The following ARPP21 variants were observed in gnomAD, a reference collection of about 807,000 sequenced individuals.
ARPP21 encodes the protein cAMP-regulated phosphoprotein 21.
ARPP21 carries 69 observed loss-of-function variants against 113.2 expected under a neutral mutation model. That is an observed-to-expected ratio of 0.61 (90% confidence interval 0.50 to 0.74). The LOEUF (loss-of-function observed/expected upper bound fraction) is 0.74, where lower values mean the gene tolerates loss of function less well. Ranked by LOEUF, ARPP21 falls within the 30% of genes least tolerant of loss-of-function variation. ARPP21 has a pLI of 0.00. For synonymous variants in ARPP21, 368 were observed against 375.5 expected (o/e 0.98, Z 0.23); for missense variants, 1,070 against 1,037.4 (o/e 1.03, Z -0.43).
At chr3:35,641,588 T>C (rs1449588280) in intron 1 of ARPP21, 1 of 152,224 alleles carries the variant, frequency 6.6e-6, no homozygotes, top group Non-Finnish European at 1.5e-5. Context: ...TATGTTTTGT[T>C]CAAATAGCCG....
At chr3:35,770,258 C>G (rs1340722966) in intron 19 of ARPP21, among the ~76,000 whole-genome samples, 3 of 151,912 alleles carry the variant, frequency 2.0e-5, no homozygotes, top group African/African-American at 7.3e-5. Flanking sequence ...AAAATTCCTC[C>G]TTTTATTCAT....
intron 19 of ARPP21, among the ~76,000 whole-genome samples, chr3:35,757,069 A>ATTTT (rs142766845): frequency 8.0e-4 from 109 of 137,012 alleles, no homozygotes; most frequent in South Asian, 7.8e-3. Flanking sequence ...CCTTTTAGTG[A>ATTTT]TTTTTTTTTT....
chr3:35,652,893 T>G (rs946142385), intron 1 of ARPP21, among the ~76,000 whole-genome samples: 1 of 152,046 alleles, frequency 6.6e-6, no homozygotes, highest in Non-Finnish European at 1.5e-5. Context: ...TTGCTCTTTC[T>G]GCACTCTGAA....
intron 19 of ARPP21, among the ~76,000 whole-genome samples, chr3:35,752,888 G>A (rs1184430827): frequency 6.6e-6 from 1 of 151,914 alleles, no homozygotes; most frequent in Non-Finnish European, 1.5e-5. Context: ...TTCTAATCTT[G>A]TGAATTACAG....
At chr3:35,748,142 G>T (rs1414033662) in intron 19 of ARPP21, among the ~76,000 whole-genome samples, 1 of 125,554 alleles carries the variant, frequency 8.0e-6, no homozygotes, top group East Asian at 2.5e-4. Context: ...AAGAAAGGGA[G>T]AAAGGAGAGA....
intron 13 of ARPP21, 107 bp downstream of exon 13, chr3:35,717,464 G>GATATA (rs2092574262): frequency 2.7e-6 from 2 of 733,696 alleles, no homozygotes; most frequent in Non-Finnish European, 2.4e-6. Flanking sequence ...ATTTAAAAAA[G>GATATA]TCTGGTTATC....
intron 9 of ARPP21, among the ~76,000 whole-genome samples, chr3:35,705,724 C>A: frequency 6.6e-6 from 1 of 152,084 alleles, no homozygotes; most frequent in Non-Finnish European, 1.5e-5. Context: ...TGCTTCTGCA[C>A]CAAACTTTTA....
chr3:35,643,664 C>T (rs955189598), intron 1 of ARPP21: 1 of 151,994 alleles, frequency 6.6e-6, no homozygotes, highest in Non-Finnish European at 1.5e-5. Context: ...TGAGAATTCT[C>T]ATTAGTGTGA....
intron 19 of ARPP21, among the ~76,000 whole-genome samples, chr3:35,779,999 A>C (rs1255483608): frequency 6.6e-6 from 1 of 152,236 alleles, no homozygotes; most frequent in East Asian, 1.9e-4. Flanking sequence ...GGGATAAGAG[A>C]AAGTAGTTAC....
Position 35,743,922 on chromosome 3 carries a change from C to G in ARPP21, c.2094C>G (p.Asn698Lys), listed in dbSNP as rs550779254. The G allele has an allele frequency of 1.2e-6, 2 of 1,614,082 alleles. No individual in the cohort carries two copies. Among genetic ancestry groups the G allele is most frequent in the East Asian group, 2.2e-5 (1 of 44,876 alleles). The change falls in exon 19 of 21, where the codon AAC (asparagine) becomes AAG (lysine). Residue 698 changes from asparagine (N) to lysine (K), a missense_variant. Transcript: ENST00000684406. The stretch of plus-strand genomic sequence containing the variant: ...GGCCCATGGCCCCGGTTCAGTACAA[C>G]GCTCAGAGGAGTCAACAGATGCCAC... ...QYRPMAPVQY[N>K]AQRSQQMPQA... is the part of the protein sequence containing the mutation.
chr3:35,650,628 C>A (rs1702015143), intron 1 of ARPP21: 1 of 152,008 alleles, frequency 6.6e-6, no homozygotes, highest in Non-Finnish European at 1.5e-5. Context: ...GAAGAGTGAG[C>A]ACCACTGAGA....
chr3:35,697,223 G>A (rs1029591024), intron 9 of ARPP21, among the ~76,000 whole-genome samples: 2 of 151,508 alleles, frequency 1.3e-5, no homozygotes, highest in Non-Finnish European at 3.0e-5. Context: ...CAAATCCCCT[G>A]CTCTGACAGT....
rs2149436958 is a variant in ARPP21, at chr3:35,679,768, A to AT, written c.-212-14dup. 6.6e-6 allele frequency: 1 copy of AT among 152,138 alleles called. No homozygotes were observed. Among genetic ancestry groups the AT allele is most frequent in the South Asian group, 2.1e-4 (1 of 4,824 alleles). 9.4% of individuals were successfully genotyped at this position (152,138 alleles called of 1,614,324 possible). On this transcript the variant is annotated intron_variant, in intron 1 of 20. Transcript: ENST00000684406. ...ATGATTATTGCAATTATTATTATTT[A>AT]TTTTTCATCTTTTTTCAGGTTGACG... is the stretch of plus-strand genomic sequence containing the variant.
intron 9 of ARPP21, among the ~76,000 whole-genome samples, chr3:35,696,971 T>A (rs548037792): frequency 5.5e-4 from 83 of 151,682 alleles, no homozygotes; most frequent in Admixed American, 1.6e-3. Flanking sequence ...CTCTTCTTCA[T>A]CCCAGAGAAA....
intron 17 of ARPP21, among the ~76,000 whole-genome samples, chr3:35,738,691 T>C (rs989834378): frequency 6.6e-6 from 1 of 152,216 alleles, no homozygotes; most frequent in African/African-American, 2.4e-5. Flanking sequence ...CCTATGCTCC[T>C]GATGTAGGTG....
intron 9 of ARPP21, among the ~76,000 whole-genome samples, chr3:35,702,934 A>T (rs1476209668): frequency 6.6e-6 from 1 of 151,832 alleles, no homozygotes; most frequent in Non-Finnish European, 1.5e-5. Context: ...AATTTGTTTG[A>T]CTATTAAAGT....
At chr3:35,668,975 G>A (rs1232403618) in intron 1 of ARPP21, among the ~76,000 whole-genome samples, 1 of 152,052 alleles carries the variant, frequency 6.6e-6, no homozygotes, top group Non-Finnish European at 1.5e-5. Flanking sequence ...CTCTCTGCTA[G>A]GTGCTAGCAA....
In ARPP21 at chr3:35,737,324, C is replaced by G; in HGVS notation, c.1606C>G (p.Pro536Ala). Residue 536 changes from proline (P) to alanine (A), a missense_variant, in exon 16 of 21, where the codon CCA becomes GCA. Physicochemically the swap from Pro to Ala is conservative, Grantham distance 27 (BLOSUM62 -1). Coordinates refer to ENST00000684406, the MANE Select transcript of ARPP21 (RefSeq NM_001385562.1). Reference protein sequence around the residue: ...PSPQPQQQVQPPQPQMAGPLV... With the variant: ...PSPQPQQQVQAPQPQMAGPLV... ...CCCGCAGCCCCAACAGCAGGTCCAG[C>G]CACCGCAGCCACAGATGGCAGGCCC... The G allele has an allele frequency of 6.2e-7, 1 of 1,611,672 alleles. No homozygotes were observed. Among genetic ancestry groups the G allele is most frequent in the Non-Finnish European group, 8.5e-7 (1 of 1,178,642 alleles).
chr3:35,791,139 TAAGTA>T (rs1014569527), intron 19 of ARPP21, among the ~76,000 whole-genome samples: 47 of 152,364 alleles, frequency 3.1e-4, no homozygotes, highest in African/African-American at 1.1e-3. Context: ...CAAGGATAGT[TAAGTA>T]TTTTCTTTTA....
Sources: allele counts gnomAD v4.1 joint callset (sites outside exome capture counted in the v4.1 genomes callset), GRCh38; gene constraint gnomAD v4.1.1; transcripts MANE v1.5; gene names NCBI Gene and HGNC (gene_info 2026-07-23, HGNC 2026-07-21).